The following PTPRN2 variants were observed in gnomAD, a reference collection of about 807,000 sequenced individuals.
PTPRN2 encodes receptor-type tyrosine-protein phosphatase N2.
A neutral mutation model predicts 118.8 loss-of-function variants in PTPRN2; 74 were observed. That is an observed-to-expected ratio of 0.62 (90% CI 0.52 to 0.76). The LOEUF (loss-of-function observed/expected upper bound fraction) is 0.76. Ranked by LOEUF, PTPRN2 falls within the 30% of genes least tolerant of loss-of-function variation. PTPRN2 has a pLI of 0.00. For missense variants in PTPRN2, 1,481 were observed against 1,394.4 expected (o/e 1.06, Z -0.99); for synonymous variants, 641 against 608.0 (o/e 1.05, Z -0.80).
chr7:157,692,318 G>C (rs1205414308), intron 12 of PTPRN2, among the ~76,000 whole-genome samples: 39 of 151,822 alleles, frequency 2.6e-4, no homozygotes, highest in Admixed American at 2.6e-3. Context: ...AGGCCCAGGC[G>C]GCGCTTCCAC....
chr7:158,226,483 G>A (rs1828787831), intron 3 of PTPRN2, among the ~76,000 whole-genome samples: 2 of 152,132 alleles, frequency 1.3e-5, no homozygotes, highest in Non-Finnish European at 2.9e-5. Flanking sequence ...GGAGATCCCC[G>A]TGGGAGGGGC....
At chr7:158,380,483 TG>T (rs2151342985) in intron 2 of PTPRN2, among the ~76,000 whole-genome samples, 1 of 152,328 alleles carries the variant, frequency 6.6e-6, no homozygotes, top group East Asian at 1.9e-4. Flanking sequence ...GTCAAACATC[TG>T]GGTCATGGTG....
At chr7:157,951,052 A>C (rs1192792507) in intron 11 of PTPRN2, among the ~76,000 whole-genome samples, 1 of 152,098 alleles carries the variant, frequency 6.6e-6, no homozygotes, top group Non-Finnish European at 1.5e-5. Context: ...GCTTTATCTT[A>C]CCTGCTGCCC....
chr7:158,483,240 G>A (rs1820768436), intron 2 of PTPRN2, among the ~76,000 whole-genome samples: 1 of 152,194 alleles, frequency 6.6e-6, no homozygotes, highest in Admixed American at 6.5e-5. Context: ...ACAAGTCTCA[G>A]CCATGAACCT....
intron 12 of PTPRN2, among the ~76,000 whole-genome samples, chr7:157,810,056 A>G (rs1452459880): frequency 2.0e-5 from 3 of 152,214 alleles, no homozygotes; most frequent in Non-Finnish European, 1.5e-5. Context: ...AGGGCTCGGC[A>G]GAGAGGACAG....
At chr7:157,548,884 G>T in intron 22 of PTPRN2, 62 bp downstream of exon 22, 1 of 1,504,962 alleles carries the variant, frequency 6.6e-7, no homozygotes, top group Non-Finnish European at 9.3e-7. Context: ...CTCCTCTCAG[G>T]AACACGGCCG....
intron 11 of PTPRN2, among the ~76,000 whole-genome samples, chr7:158,040,438 C>T (rs1013391188): frequency 9.2e-5 from 14 of 151,990 alleles, no homozygotes; most frequent in Non-Finnish European, 1.5e-4. Flanking sequence ...CATGCACACA[C>T]GTGCACACAC....
At chr7:158,313,598 G>A (rs530386950) in intron 3 of PTPRN2, among the ~76,000 whole-genome samples, 1 of 151,898 alleles carries the variant, frequency 6.6e-6, no homozygotes, top group East Asian at 1.9e-4. Flanking sequence ...CTCCACATGG[G>A]GCTGCCTGGG....
chr7:158,157,582 T>C (rs932379993), intron 6 of PTPRN2, among the ~76,000 whole-genome samples: 3 of 152,230 alleles, frequency 2.0e-5, no homozygotes, highest in Non-Finnish European at 2.9e-5. Flanking sequence ...AGCCGAGCAG[T>C]GCAGGTCCGG....
intron 11 of PTPRN2, among the ~76,000 whole-genome samples, chr7:157,919,280 A>C (rs1798574900): frequency 6.6e-6 from 1 of 152,210 alleles, no homozygotes; most frequent in Non-Finnish European, 1.5e-5. Flanking sequence ...TAAACACAGA[A>C]AACAAAACTC....
At chr7:158,421,151 C>A (rs1448008072) in intron 2 of PTPRN2, among the ~76,000 whole-genome samples, 3 of 152,162 alleles carry the variant, frequency 2.0e-5, no homozygotes, top group South Asian at 2.1e-4. Flanking sequence ...CGAGGGCCAG[C>A]CGCACCCCTT....
chr7:158,549,192 C>T (rs988281915), intron 1 of PTPRN2, among the ~76,000 whole-genome samples: 1 of 152,138 alleles, frequency 6.6e-6, no homozygotes, highest in African/African-American at 2.4e-5. Flanking sequence ...ATGATTCAGG[C>T]TTTTTTTAAT....
At chr7:158,481,959 A>C (rs2129444944) in intron 2 of PTPRN2, among the ~76,000 whole-genome samples, 1 of 152,302 alleles carries the variant, frequency 6.6e-6, no homozygotes, top group South Asian at 2.1e-4. Context: ...GCTGAGTCCA[A>C]CCCTCATGCA....
At chr7:158,310,414 G>A (rs557911203) in intron 3 of PTPRN2, among the ~76,000 whole-genome samples, 5 of 152,356 alleles carry the variant, frequency 3.3e-5, no homozygotes, top group South Asian at 2.1e-4. Context: ...ACTATCGGAC[G>A]GTGGAGAAGA....
rs1320310230 is a variant in PTPRN2 at position 158,151,131 on chromosome 7, C to T, written c.911-12616G>A. 4.4e-5 allele frequency among the ~76,000 whole-genome samples: 5 copies of T among 112,506 alleles called. 1 individual carries two copies. The East Asian group carries it at 1.1e-3, about 25-fold the overall frequency. The allele number at this position is 112,506 out of a possible 152,430, so 73.8% of individuals were successfully genotyped here. On this transcript the variant is annotated intron_variant, in intron 6 of 22. Coordinates refer to ENST00000389418, the MANE Select transcript of PTPRN2 (RefSeq NM_002847.5). ...CTGCTCCTACCCCTGCCCACACCGC[C>T]CGCCTTTCTATTCCTGCCTCTCCCT...
At chr7:158,507,245 G>C (rs1822815806) in intron 1 of PTPRN2, among the ~76,000 whole-genome samples, 1 of 152,204 alleles carries the variant, frequency 6.6e-6, no homozygotes, top group African/African-American at 2.4e-5. Flanking sequence ...AGAGAGGTCA[G>C]TGAGGACTGT....
intron 2 of PTPRN2, among the ~76,000 whole-genome samples, chr7:158,396,305 A>C (rs1313530300): frequency 6.6e-6 from 1 of 152,234 alleles, no homozygotes; most frequent in Non-Finnish European, 1.5e-5. Context: ...GAAATGATTA[A>C]TGCATATATC....
chr7:158,063,808 C>CA (rs1810550969), intron 11 of PTPRN2, among the ~76,000 whole-genome samples: 3 of 152,208 alleles, frequency 2.0e-5, no homozygotes, highest in Non-Finnish European at 4.4e-5. Flanking sequence ...GACCAAGAAC[C>CA]CACCCATTCT....
intron 3 of PTPRN2, among the ~76,000 whole-genome samples, chr7:158,280,720 T>C (rs878975951): frequency 2.0e-5 from 3 of 152,018 alleles, no homozygotes; most frequent in Admixed American, 2.0e-4. Context: ...CTGAGGAACG[T>C]GTTATCAATT....
Sources: allele counts gnomAD v4.1 joint callset (sites outside exome capture counted in the v4.1 genomes callset), GRCh38; gene constraint gnomAD v4.1.1; transcripts MANE v1.5; gene names NCBI Gene and HGNC (gene_info 2026-07-23, HGNC 2026-07-21).